The following CSMD3 variants were observed in gnomAD, a reference collection of about 807,000 sequenced individuals.
The protein encoded by CSMD3 is CUB and sushi domain-containing protein 3.
A neutral mutation model predicts 435.2 loss-of-function variants in CSMD3; 177 were observed. The ratio of observed to expected loss-of-function variants is 0.41; its 90% confidence interval spans 0.36 to 0.46. CSMD3 has a LOEUF of 0.46. Among genes scored for constraint, CSMD3 ranks in the 20% least tolerant of loss-of-function variants. CSMD3 has a pLI of 0.34. For missense variants in CSMD3, 4,265 were observed against 4,504.6 expected (o/e 0.95, Z 1.52); for synonymous variants, 1,656 against 1,520.5 (o/e 1.09, Z -2.07).
intron 10 of CSMD3, among the ~76,000 whole-genome samples, chr8:112,917,535 G>A (rs1045740443): frequency 3.9e-5 from 6 of 151,962 alleles, no homozygotes; most frequent in African/African-American, 1.2e-4. Context: ...GGCAAATCAT[G>A]GGTGATTTTG....
chr8:112,284,823 T>C (rs1819014520), intron 58 of CSMD3, among the ~76,000 whole-genome samples: 1 of 151,984 alleles, frequency 6.6e-6, no homozygotes, highest in Admixed American at 6.6e-5. Context: ...GCAATTTTTG[T>C]CAAATTGCTC....
intron 1 of CSMD3, among the ~76,000 whole-genome samples, chr8:113,409,149 T>A (rs569878084): frequency 2.1e-5 from 3 of 144,428 alleles, no homozygotes; most frequent in African/African-American, 7.6e-5. Flanking sequence ...AGTGGTGGGA[T>A]CTCAGCTCAC....
At chr8:112,431,576 C>G (rs1244301675) in intron 32 of CSMD3, among the ~76,000 whole-genome samples, 2 of 151,974 alleles carry the variant, frequency 1.3e-5, no homozygotes, top group Non-Finnish European at 2.9e-5. Flanking sequence ...TTAGAGAGGT[C>G]GAGCTTGAAC....
chr8:113,201,409 ACCAGTCTCTT>A (rs2092714747), intron 3 of CSMD3, among the ~76,000 whole-genome samples: 1 of 151,980 alleles, frequency 6.6e-6, no homozygotes, highest in South Asian at 2.1e-4. Flanking sequence ...GCTCTACTCC[ACCAGTCTCTT>A]CCACTCCTTA....
intron 66 of CSMD3, among the ~76,000 whole-genome samples, chr8:112,238,898 C>G (rs2130020070): frequency 6.6e-6 from 1 of 152,038 alleles, no homozygotes; most frequent in South Asian, 2.1e-4. Context: ...GGTGTTAAAG[C>G]AAACTAAATA....
At chr8:113,330,282 C>T (rs909478786) in intron 1 of CSMD3, among the ~76,000 whole-genome samples, 1 of 151,420 alleles carries the variant, frequency 6.6e-6, no homozygotes, top group Non-Finnish European at 1.5e-5. Flanking sequence ...AATTGTAATC[C>T]ACAGCATTAC....
At chr8:113,003,201 C>T (rs1473389996) in intron 6 of CSMD3, among the ~76,000 whole-genome samples, 1 of 151,992 alleles carries the variant, frequency 6.6e-6, no homozygotes, top group Non-Finnish European at 1.5e-5. Context: ...GCCAAGATCG[C>T]ACCATTGCAC....
At chr8:112,402,233 T>C (rs1831407244) in intron 35 of CSMD3, among the ~76,000 whole-genome samples, 1 of 152,210 alleles carries the variant, frequency 6.6e-6, no homozygotes, top group Non-Finnish European at 1.5e-5. Context: ...TCACTTCAAT[T>C]CAGTCATGCG....
chr8:112,722,482 G>T (rs1400079047), intron 13 of CSMD3, among the ~76,000 whole-genome samples: 1 of 152,102 alleles, frequency 6.6e-6, no homozygotes, highest in Non-Finnish European at 1.5e-5. Flanking sequence ...CGTGGTATTT[G>T]CACCCTACTT....
intron 4 of CSMD3, among the ~76,000 whole-genome samples, chr8:113,115,493 C>T (rs980693695): frequency 2.2e-4 from 34 of 152,080 alleles, no homozygotes; most frequent in Non-Finnish European, 2.9e-5. Context: ...CACATTTCTA[C>T]GTTATAGCAT....
intron 27 of CSMD3, among the ~76,000 whole-genome samples, chr8:112,528,461 GA>G (rs1273623375): frequency 1.3e-5 from 2 of 150,220 alleles, no homozygotes; most frequent in East Asian, 1.9e-4. Flanking sequence ...AAGTAATTAG[GA>G]AAAAAAAACC....
intron 59 of CSMD3, among the ~76,000 whole-genome samples, chr8:112,273,787 A>C (rs1817756234): frequency 6.6e-6 from 1 of 151,994 alleles, no homozygotes; most frequent in Non-Finnish European, 1.5e-5. Flanking sequence ...ACTAAAATAA[A>C]ATTTGTCTAT....
chr8:112,393,064 T>G (rs1003793635), intron 35 of CSMD3, among the ~76,000 whole-genome samples: 3 of 152,002 alleles, frequency 2.0e-5, no homozygotes, highest in Non-Finnish European at 4.4e-5. Flanking sequence ...AATTTTTATA[T>G]AGCTAATTTG....
chr8:112,942,285 C>CA (rs2083474848), intron 9 of CSMD3, among the ~76,000 whole-genome samples: 1 of 148,582 alleles, frequency 6.7e-6, no homozygotes, highest in Admixed American at 6.8e-5. Flanking sequence ...TAAATTAGTT[C>CA]AGCCACTGTG....
chr8:112,509,043 A>T (rs148024102), intron 28 of CSMD3, among the ~76,000 whole-genome samples: 81 of 152,028 alleles, frequency 5.3e-4, no homozygotes, highest in Non-Finnish European at 8.1e-4. Context: ...ATTTAGAGAG[A>T]CACAATAACC....
chr8:113,273,463 A>G (rs964258909), intron 3 of CSMD3, among the ~76,000 whole-genome samples: 1 of 152,150 alleles, frequency 6.6e-6, no homozygotes, highest in Non-Finnish European at 1.5e-5. Context: ...TACAGGCCAC[A>G]CTAAGCAGCA....
chr8:112,328,521 G>C (rs1271344565), intron 45 of CSMD3, among the ~76,000 whole-genome samples: 4 of 152,110 alleles, frequency 2.6e-5, no homozygotes. Flanking sequence ...GAAATCAAGA[G>C]TGAATGCTTA....
chr8:113,040,829 G>C (rs1001648352), intron 5 of CSMD3, among the ~76,000 whole-genome samples: 1 of 152,092 alleles, frequency 6.6e-6, no homozygotes. Context: ...CTAAGACAGT[G>C]AGCATAAATA....
chr8:113,110,013 C>T (rs1432857049), intron 4 of CSMD3, among the ~76,000 whole-genome samples: 1 of 152,180 alleles, frequency 6.6e-6, no homozygotes, highest in African/African-American at 2.4e-5. Flanking sequence ...ATAAGTATCC[C>T]CAGTCCCTTC....
Sources: allele counts gnomAD v4.1 joint callset (sites outside exome capture counted in the v4.1 genomes callset), GRCh38; gene constraint gnomAD v4.1.1; transcripts MANE v1.5; gene names NCBI Gene and HGNC (gene_info 2026-07-23, HGNC 2026-07-21).